Variants in ITGB6 observed in about 807,000 individuals in gnomAD.
ITGB6 encodes the protein integrin subunit beta 6, also known as integrin beta-6.
In ITGB6, 80 loss-of-function variants were observed where a neutral mutation model predicts 84.5. The ratio of observed to expected loss-of-function variants is 0.95; its 90% CI spans 0.79 to 1.14. ITGB6 has a LOEUF of 1.14. Among genes scored for constraint, ITGB6 ranks in the 50% most tolerant of loss-of-function variants. The pLI, the probability that ITGB6 is intolerant of heterozygous loss-of-function variation, is 0.00. For missense variants in ITGB6, 1,006 were observed against 968.0 expected, an observed-to-expected ratio of 1.04 and a Z score of -0.52; for synonymous variants, 383 against 354.9, an observed-to-expected ratio of 1.08 and a Z score of -0.89.
In ITGB6 at chr2:160,142,030, A is replaced by C; in HGVS notation, c.1059T>G (p.Leu353=). Residue 353 remains leucine, a synonymous_variant, in exon 8 of 15, where the codon CTT becomes CTG. Transcript: ENST00000283249. ...KLIPGATVGL[L]QKDSGNILQL... ...GGAGAATGTTTCCGGAGTCCTTCTG[A>C]AGTAGACCTACTGTAGCTCCAGGAA... 1 of 1,610,034 alleles carries C rather than the reference A, an allele frequency of 6.2e-7. No homozygotes were observed. The highest frequency in any genetic ancestry group is 2.2e-5 in the East Asian group (1 of 44,702).
chr2:160,197,687 A>G (rs1425679991), intron 2 of ITGB6, among the ~76,000 whole-genome samples: 2 of 152,246 alleles, frequency 1.3e-5, no homozygotes, highest in Non-Finnish European at 2.9e-5. Context: ...GCGTGTCTGA[A>G]GCTCTAGGCC....
At chr2:160,123,973 C>T in intron 11 of ITGB6, 85 bp from the exon 12 acceptor site, 1 of 929,250 alleles carries the variant, frequency 1.1e-6, no homozygotes, top group Non-Finnish European at 1.7e-6. Flanking sequence ...GCTGTTGTTG[C>T]AATTTGTGCT....
Position 160,126,615 on chromosome 2 carries a change from T to C in ITGB6, c.1661-14A>G. The C allele has an allele frequency of 1.2e-6, 2 of 1,606,182 alleles. No homozygotes were observed. The highest frequency in any genetic ancestry group is 1.3e-5 in the African/African-American group (1 of 74,864). ...AGTCGCCGTTACCTGTAACACAAAA[T>C]GCTCTATGCTTCTCACAGCCCCAAA... is the stretch of plus-strand genomic sequence containing the variant. On this transcript the variant is annotated splice_polypyrimidine_tract_variant and intron_variant, in intron 10 of 14. Coordinates refer to ENST00000283249, the MANE Select transcript of ITGB6 (RefSeq NM_000888.5).
intron 14 of ITGB6, 52 bp downstream of exon 14, chr2:160,107,627 C>T: frequency 6.4e-7 from 1 of 1,557,470 alleles, no homozygotes; most frequent in Non-Finnish European, 8.8e-7. Flanking sequence ...TCAATCTCTT[C>T]CACCAGCCTC....
rs201087444 is a variant in ITGB6, at chr2:160,196,412, A to C, written c.150T>G (p.Thr50=). The C allele has an allele frequency of 6.3e-7, 1 of 1,599,920 alleles. No individual in the cohort carries two copies. Among genetic ancestry groups the C allele is most frequent in the East Asian group, 2.2e-5 (1 of 44,804 alleles). ...ACCTTTCGCCAACTCCAGATGGATG[A>C]GTAAAATTCTAAAAAAGAAAAAGAA... ...QCAWCAQENF[T]HPSGVGERCD... The change falls in exon 3 of 15, where the codon ACT becomes ACG. Residue 50 remains threonine, a synonymous_variant. Transcript: ENST00000283249.
intron 6 of ITGB6, among the ~76,000 whole-genome samples, chr2:160,169,902 A>G (rs1490848327): frequency 1.3e-5 from 2 of 152,188 alleles, no homozygotes; most frequent in Admixed American, 6.5e-5. Context: ...TGAAAACTAC[A>G]TTGTACTTCT....
chr2:160,158,063 C>T (rs1684692506), intron 7 of ITGB6, among the ~76,000 whole-genome samples: 2 of 152,160 alleles, frequency 1.3e-5, no homozygotes, highest in African/African-American at 4.8e-5. Context: ...CCAAAAAGAA[C>T]ATGTAATTGT....
chr2:160,134,514 C>T (rs1191199028), intron 10 of ITGB6, among the ~76,000 whole-genome samples: 1 of 152,086 alleles, frequency 6.6e-6, no homozygotes, highest in African/African-American at 2.4e-5. Context: ...GAAACTATTC[C>T]AATCAATAGA....
chr2:160,141,945 G>A (rs1177299155), intron 8 of ITGB6, 37 bp downstream of exon 8: 1 of 1,321,098 alleles, frequency 7.6e-7, no homozygotes, highest in South Asian at 1.2e-5. Context: ...GAATACCAAA[G>A]AAATGCAAAA....
At chr2:160,189,358 C>A (rs1403092490) in intron 4 of ITGB6, among the ~76,000 whole-genome samples, 2 of 152,148 alleles carry the variant, frequency 1.3e-5, no homozygotes, top group Non-Finnish European at 2.9e-5. Context: ...CAAATGGGAT[C>A]TAATTAAACT....
intron 8 of ITGB6, among the ~76,000 whole-genome samples, chr2:160,139,043 T>C (rs1317015071): frequency 6.6e-6 from 1 of 152,072 alleles, no homozygotes; most frequent in Non-Finnish European, 1.5e-5. Context: ...AAATCAATAT[T>C]GGAATGTATT....
intron 4 of ITGB6, among the ~76,000 whole-genome samples, chr2:160,190,699 GTAAA>G (rs1293972347): frequency 2.0e-5 from 3 of 152,152 alleles, no homozygotes; most frequent in African/African-American, 7.2e-5. Context: ...CAGTCAAGAG[GTAAA>G]TAAAGAGCCA....
In ITGB6 at chr2:160,172,622, C is replaced by T; in HGVS notation, c.868G>A (p.Asp290Asn). 6.2e-7 allele frequency: 1 copy of T among 1,612,052 alleles called. No homozygotes were observed. Among genetic ancestry groups the T allele is most frequent in the South Asian group, 1.1e-5 (1 of 90,954 alleles). Reference protein sequence around the residue: ...SKLAGIVIPNDGLCHLDSKNE... With the variant: ...SKLAGIVIPNNGLCHLDSKNE... The stretch of plus-strand genomic sequence containing the variant: ...TTGCTGTCCAAGTGACAGAGCCCGT[C>T]ATTAGGAATGACGATGCCTGCTAGT... The change falls in exon 6 of 15, where the codon GAC becomes AAC. Residue 290 changes from aspartate to asparagine, a missense_variant. Transcript: ENST00000283249.
rs552792236 is a variant in ITGB6, at chr2:160,149,360, G to C, written c.1018-7289C>G. ...AAACTCCAACACACCTGCAGCTGAG[G>C]GACATGACTGTTAGAAGGAAAACTA... On this transcript the variant is annotated intron_variant, in intron 7 of 14. Coordinates refer to ENST00000283249, the MANE Select transcript of ITGB6 (RefSeq NM_000888.5). 2.8e-4 allele frequency among the ~76,000 whole-genome samples: 42 copies of C among 152,224 alleles called. 1 individual carries two copies. Among genetic ancestry groups the C allele is most frequent in the African/African-American group, 9.9e-4 (41 of 41,528 alleles).
intron 7 of ITGB6, among the ~76,000 whole-genome samples, chr2:160,150,989 C>T (rs915408191): frequency 3.9e-5 from 6 of 151,974 alleles, no homozygotes; most frequent in African/African-American, 1.2e-4. Context: ...GACTTAGACA[C>T]CCATATAATA....
In ITGB6 at chr2:160,172,600, C is replaced by T; in HGVS notation, c.890G>A (p.Ser297Asn). ...IPNDGLCHLD[S>N]KNEYSMSTVL... Reference sequence around the variant, plus strand: ...AGTTGACATGGAGTATTCATTCTTGCTGTCCAAGTGACAGAGCCCGTCATT... The same window carrying T: ...AGTTGACATGGAGTATTCATTCTTGTTGTCCAAGTGACAGAGCCCGTCATT... Residue 297 changes from serine to asparagine, a missense_variant, in exon 6 of 15, where the codon AGC (serine) becomes AAC (asparagine). Transcript: ENST00000283249. The T allele has an allele frequency of 6.2e-7, 1 of 1,609,398 alleles. No individual in the cohort carries two copies. The highest frequency in any genetic ancestry group is 8.5e-7 in the Non-Finnish European group (1 of 1,176,092).
intron 14 of ITGB6, among the ~76,000 whole-genome samples, chr2:160,105,937 C>T (rs1049034543): frequency 1.1e-4 from 17 of 152,080 alleles, no homozygotes; most frequent in African/African-American, 4.1e-4. Context: ...TACACACATT[C>T]GCAAAAAGAG....
intron 2 of ITGB6, 94 bp downstream of exon 2, chr2:160,199,085 A>T: frequency 9.7e-7 from 1 of 1,033,926 alleles, no homozygotes; most frequent in Non-Finnish European, 1.5e-6. Flanking sequence ...AACTCCACAA[A>T]AAAGCAAGTC....
At chr2:160,184,686 T>A (rs1041702406) in intron 4 of ITGB6, among the ~76,000 whole-genome samples, 3 of 152,008 alleles carry the variant, frequency 2.0e-5, no homozygotes, top group Admixed American at 2.0e-4. Flanking sequence ...AAAAAGAAAA[T>A]TTTAGGCCAA....
Sources: gnomAD v4.1 joint callset for allele counts (sites outside exome capture counted in the v4.1 genomes callset) on GRCh38, gnomAD v4.1.1 for gene constraint, MANE v1.5 for transcripts, NCBI Gene and HGNC (gene_info 2026-07-23, HGNC 2026-07-21) for gene names.